PLEKHG7: variants seen among roughly 807,000 people sequenced by gnomAD.
The protein encoded by PLEKHG7 is pleckstrin homology domain-containing family G member 7.
Under a neutral mutation model 85.2 loss-of-function variants are expected in PLEKHG7, and 77 were observed. The observed-to-expected ratio is 0.90, with a 90% CI of 0.75 to 1.09. The LOEUF (loss-of-function observed/expected upper bound fraction) is 1.09, where lower values mean the gene tolerates loss of function less well. PLEKHG7 is among the 50% of genes least tolerant of loss of function. The pLI is 0.00. For missense variants in PLEKHG7, 777 were observed against 804.3 expected (o/e 0.97, Z 0.41); for synonymous variants, 301 against 302.4 (o/e 1.00, Z 0.05).
chr12:92,754,202 G>T lies in PLEKHG7; in HGVS notation c.1364G>T (p.Ser455Ile). ...TTGCTGAAGAATATCTGGAAAAGGA[G>T]CATGGACTCTGCTGAGAAAATCATG... ...PLLLKNIWKR[S>I]MDSAEKIMIY... Residue 455 changes from serine to isoleucine, a missense_variant, in exon 11 of 17, where the codon AGC (serine) becomes ATC (isoleucine). By Grantham distance (142) the Ser-to-Ile change is moderately radical. Around this residue, in one of 3 missense-constraint regions of PLEKHG7, gnomAD observed 520 missense variants for 544.0 expected, o/e 0.96. Coordinates refer to ENST00000344636, the MANE Select transcript of PLEKHG7 (RefSeq NM_001377329.1). 1 of 1,614,026 alleles carries T rather than the reference G, an allele frequency of 6.2e-7. No individual in the cohort carries two copies. Among genetic ancestry groups the T allele is most frequent in the East Asian group, 2.2e-5 (1 of 44,834 alleles).
rs181669892 is a variant in PLEKHG7, at chr12:92,737,367, C to T, written c.796-11C>T. On this transcript the variant is annotated splice_polypyrimidine_tract_variant and intron_variant, in intron 6 of 16. Coordinates refer to ENST00000344636, the MANE Select transcript of PLEKHG7 (RefSeq NM_001377329.1). ...GAAATGTTTTGTTCTCTCTTTTTCC[C>T]TCATGTACAGGATAAGACCTGGGAT... is the stretch of plus-strand genomic sequence containing the variant. 1,619 of 1,435,888 alleles carry T rather than the reference C, an allele frequency of 1.1e-3. 19 individuals carry two copies. The African/African-American group carries it at 0.02, about 18-fold the overall frequency. 88.9% of individuals were successfully genotyped at this position (1,435,888 alleles called of 1,614,324 possible). A position where few individuals can be genotyped will look rare whatever the true frequency, so the allele number is the denominator to read the frequency against.
chr12:92,744,528 G>A (rs1592682591), intron 9 of PLEKHG7, among the ~76,000 whole-genome samples: 1 of 152,086 alleles, frequency 6.6e-6, no homozygotes. Flanking sequence ...TTACAAATGT[G>A]TAGTCATTAT....
At chr12:92,753,999 T>A (rs2136620691) in intron 10 of PLEKHG7, 91 bp from the exon 11 acceptor site, 4 of 1,348,326 alleles carry the variant, frequency 3.0e-6, no homozygotes, top group African/African-American at 1.5e-5. Context: ...AGTTACTGAG[T>A]AAAATCTCCA....
chr12:92,767,238 A>G (rs565047208), intron 15 of PLEKHG7, among the ~76,000 whole-genome samples: 3 of 152,228 alleles, frequency 2.0e-5, no homozygotes, highest in Non-Finnish European at 2.9e-5. Flanking sequence ...AAAAAGAGCT[A>G]TTCTTGCCTG....
At chr12:92,738,164 A>G (rs933017462) in intron 7 of PLEKHG7, among the ~76,000 whole-genome samples, 5 of 152,196 alleles carry the variant, frequency 3.3e-5, no homozygotes, top group Non-Finnish European at 5.9e-5. Flanking sequence ...GTTGAATTAC[A>G]TGGTATATTC....
intron 7 of PLEKHG7, among the ~76,000 whole-genome samples, chr12:92,738,484 A>G (rs1451160602): frequency 6.6e-6 from 1 of 152,202 alleles, no homozygotes; most frequent in African/African-American, 2.4e-5. Flanking sequence ...ACCCTAAACC[A>G]GGGGTTGACA....
intron 3 of PLEKHG7, among the ~76,000 whole-genome samples, chr12:92,716,255 C>T (rs1438999839): frequency 1.3e-5 from 2 of 152,134 alleles, no homozygotes; most frequent in Non-Finnish European, 2.9e-5. Context: ...CACCACCACA[C>T]CCGGCTAATT....
At chr12:92,745,426 A>C (rs1343154526) in intron 9 of PLEKHG7, 52 bp from the exon 10 acceptor site, 1 of 1,228,488 alleles carries the variant, frequency 8.1e-7, no homozygotes, top group Non-Finnish European at 1.2e-6. Flanking sequence ...TTCAGGGCTC[A>C]ATGCTCTCCT....
At chr12:92,738,184 T>C (rs933492874) in intron 7 of PLEKHG7, among the ~76,000 whole-genome samples, 1 of 152,172 alleles carries the variant, frequency 6.6e-6, no homozygotes, top group Non-Finnish European at 1.5e-5. Flanking sequence ...CATGATGTCT[T>C]TCATGTAAAT....
chr12:92,751,706 G>A (rs1209205321), intron 10 of PLEKHG7, among the ~76,000 whole-genome samples: 1 of 151,800 alleles, frequency 6.6e-6, no homozygotes, highest in East Asian at 1.9e-4. Flanking sequence ...TCCCCATGAT[G>A]AAGAGCCCAG....
intron 3 of PLEKHG7, among the ~76,000 whole-genome samples, chr12:92,715,459 TTAC>T (rs1331815462): frequency 6.6e-6 from 1 of 152,058 alleles, no homozygotes; most frequent in African/African-American, 2.4e-5. Context: ...GATTCTTACA[TTAC>T]TACTAATAAA....
chr12:92,735,802 A>G (rs1458068293), intron 5 of PLEKHG7, among the ~76,000 whole-genome samples: 1 of 152,190 alleles, frequency 6.6e-6, no homozygotes. Flanking sequence ...TCAGAATACC[A>G]TATTTCCAAT....
At chr12:92,731,437 T>A (rs891944520) in intron 4 of PLEKHG7, among the ~76,000 whole-genome samples, 5 of 152,196 alleles carry the variant, frequency 3.3e-5, no homozygotes, top group African/African-American at 1.2e-4. Flanking sequence ...CACACTCTCC[T>A]GGGGGATCTG....
intron 10 of PLEKHG7, chr12:92,749,749 AT>A (rs1349561585): frequency 6.6e-6 from 1 of 152,050 alleles, no homozygotes; most frequent in Non-Finnish European, 1.5e-5. Context: ...TGTTATCAAC[AT>A]TTTACTGATA....
intron 3 of PLEKHG7, chr12:92,721,494 T>A: frequency 3.3e-6 from 4 of 1,230,636 alleles, no homozygotes; most frequent in Non-Finnish European, 4.0e-6. Context: ...TCCCTTCGGA[T>A]CTGACCAGCT....
At chr12:92,731,389 T>C (rs1871988383) in intron 4 of PLEKHG7, among the ~76,000 whole-genome samples, 1 of 152,226 alleles carries the variant, frequency 6.6e-6, no homozygotes, top group Non-Finnish European at 1.5e-5. Context: ...CAGTAAATGC[T>C]GCTCAGTTCA....
At chr12:92,707,403 AC>A in intron 2 of PLEKHG7, 1 of 1,428,738 alleles carries the variant, frequency 7.0e-7, no homozygotes, top group Non-Finnish European at 9.1e-7. Context: ...GGCCAGGCTT[AC>A]CGATGGTCTG....
intron 3 of PLEKHG7, among the ~76,000 whole-genome samples, chr12:92,718,282 G>A (rs956568288): frequency 5.3e-5 from 8 of 152,350 alleles, no homozygotes; most frequent in African/African-American, 1.7e-4. Context: ...TGGGCATGGT[G>A]CAAGGGGAAC....
At chr12:92,751,685 A>G (rs1697551397) in intron 10 of PLEKHG7, among the ~76,000 whole-genome samples, 1 of 151,714 alleles carries the variant, frequency 6.6e-6, no homozygotes, top group Non-Finnish European at 1.5e-5. Context: ...AGAAGATTGA[A>G]TTTGGCAGAA....
Sources: gnomAD v4.1 joint callset for allele counts (sites outside exome capture counted in the v4.1 genomes callset) on GRCh38, gnomAD v4.1.1 for gene constraint, gnomAD v4.1.1 regional missense constraint, MANE v1.5 for transcripts, NCBI Gene and HGNC (gene_info 2026-07-23, HGNC 2026-07-21) for gene names.